The following KHDRBS2 variants were observed in gnomAD, a reference collection of about 807,000 sequenced individuals.
KHDRBS2 encodes KH RNA binding domain containing, signal transduction associated 2.
A neutral mutation model predicts 44.3 loss-of-function variants in KHDRBS2; 26 were observed. The observed-to-expected ratio is 0.59, with a 90% CI of 0.43 to 0.81. The LOEUF (loss-of-function observed/expected upper bound fraction) is 0.81. Among genes scored for constraint, KHDRBS2 ranks in the 40% least tolerant of loss-of-function variants. The pLI is 0.00. For missense variants in KHDRBS2, 476 were observed against 433.1 expected (o/e 1.10, Z -0.88); for synonymous variants, 194 against 151.1 (o/e 1.28, Z -2.08).
At chr6:62,205,299 T>G (rs142398981) in intron 1 of KHDRBS2, among the ~76,000 whole-genome samples, 1 of 152,160 alleles carries the variant, frequency 6.6e-6, no homozygotes, top group Non-Finnish European at 1.5e-5. Flanking sequence ...CAGGCTAACT[T>G]GTTAGTACAC....
In KHDRBS2 at chr6:62,154,021, GTTTC is replaced by G. The variant is rs1815822837; in HGVS notation, c.219+23160_219+23163del. Among the ~76,000 whole-genome samples, 6 of 152,234 alleles carry G rather than the reference GTTTC, an allele frequency of 3.9e-5. 1 individual carries two copies. The South Asian group carries it at 1.2e-3, about 32-fold the overall frequency. On this transcript the variant is annotated intron_variant, in intron 2 of 8. Coordinates refer to ENST00000281156, the MANE Select transcript of KHDRBS2 (RefSeq NM_152688.4). ...GTTTCTTTGTTTCACTAGTAGAAGC[GTTTC>G]TTTCTTTTATTATTGAGTTAATCAT...
At chr6:62,131,112 T>C (rs575901015) in intron 2 of KHDRBS2, among the ~76,000 whole-genome samples, 1 of 152,258 alleles carries the variant, frequency 6.6e-6, no homozygotes, top group East Asian at 1.9e-4. Context: ...GTAATCAGAA[T>C]TTATGAGGAT....
At chr6:62,223,338 G>A (rs1458743289) in intron 1 of KHDRBS2, among the ~76,000 whole-genome samples, 2 of 152,148 alleles carry the variant, frequency 1.3e-5, no homozygotes, top group Non-Finnish European at 2.9e-5. Flanking sequence ...TAGGAAGCAG[G>A]GCACTAAGTA....
chr6:61,573,401 A>G, the KHDRBS2 span, among the ~76,000 whole-genome samples: 333 of 152,300 alleles, frequency 2.2e-3, 1 homozygote, highest in Non-Finnish European at 3.3e-3. Flanking sequence ...GCCAAAAGCA[A>G]TACACAGATT....
intron 1 of KHDRBS2, among the ~76,000 whole-genome samples, chr6:62,197,412 A>G (rs534462609): frequency 3.7e-4 from 56 of 152,172 alleles, no homozygotes; most frequent in Non-Finnish European, 6.8e-4. Context: ...TATATACAAT[A>G]CATCACCAAT....
At chr6:62,275,042 C>T (rs13195877) in intron 1 of KHDRBS2, among the ~76,000 whole-genome samples, 2 of 148,864 alleles carry the variant, frequency 1.3e-5, no homozygotes, top group Non-Finnish European at 3.0e-5. Flanking sequence ...CACACACACA[C>T]ATATATATTC....
chr6:61,596,922 T>A, the KHDRBS2 span, among the ~76,000 whole-genome samples: 1 of 152,114 alleles, frequency 6.6e-6, no homozygotes, highest in East Asian at 1.9e-4. Context: ...AGTGCTGGAA[T>A]TACAGGTGTG....
At chr6:62,248,562 T>C (rs1002403856) in intron 1 of KHDRBS2, among the ~76,000 whole-genome samples, 11 of 151,986 alleles carry the variant, frequency 7.2e-5, no homozygotes, top group African/African-American at 2.4e-4. Context: ...TTTCACCACG[T>C]TGGCCAGGCT....
chr6:61,687,874 G>T (rs1766992929), intron 8 of KHDRBS2, among the ~76,000 whole-genome samples: 2 of 151,758 alleles, frequency 1.3e-5, no homozygotes. Context: ...ATTTTTATCA[G>T]CTTCTGTTTT....
the KHDRBS2 span, among the ~76,000 whole-genome samples, chr6:61,639,159 T>G: frequency 6.6e-6 from 1 of 152,136 alleles, no homozygotes; most frequent in African/African-American, 2.4e-5. Context: ...ATTAAATATC[T>G]ATGTTTACAT....
chr6:62,065,896 C>T (rs1214749533), intron 2 of KHDRBS2, among the ~76,000 whole-genome samples: 2 of 151,750 alleles, frequency 1.3e-5, no homozygotes, highest in African/African-American at 4.8e-5. Flanking sequence ...AATTCATGTA[C>T]CATTCATTCT....
intron 3 of KHDRBS2, among the ~76,000 whole-genome samples, chr6:61,991,484 A>C: frequency 6.6e-6 from 1 of 152,186 alleles, no homozygotes. Flanking sequence ...TGGGTTGAAA[A>C]GAAACCTACG....
the KHDRBS2 span, among the ~76,000 whole-genome samples, chr6:61,556,071 C>G: frequency 6.6e-6 from 1 of 152,172 alleles, no homozygotes; most frequent in Non-Finnish European, 1.5e-5. Context: ...CTAGGGCTGC[C>G]TGCATCCATG....
At position 62,262,957 on chromosome 6, in the gene KHDRBS2, G is replaced by A. The variant is rs568297839; in HGVS notation, c.91+22901C>T. 3.7e-4 allele frequency among the ~76,000 whole-genome samples: 56 copies of A among 151,768 alleles called. No individual in the cohort carries two copies. The Middle Eastern group carries it at 0.014, about 37-fold the overall frequency. The stretch of plus-strand genomic sequence containing the variant: ...TGATACCTTGGTCAGCTTTACCTGT[G>A]TCATACTGACATTCAATCATGCCTT... On this transcript the variant is annotated intron_variant, in intron 1 of 8. Coordinates refer to ENST00000281156, the MANE Select transcript of KHDRBS2 (RefSeq NM_152688.4).
At chr6:61,894,040 A>G (rs1029627802) in intron 6 of KHDRBS2, among the ~76,000 whole-genome samples, 1 of 152,198 alleles carries the variant, frequency 6.6e-6, no homozygotes, top group Non-Finnish European at 1.5e-5. Flanking sequence ...AATCAGAACT[A>G]AAGGTTAAAA....
At chr6:62,050,132 T>A (rs1381268850) in intron 2 of KHDRBS2, among the ~76,000 whole-genome samples, 1 of 152,094 alleles carries the variant, frequency 6.6e-6, no homozygotes, top group Non-Finnish European at 1.5e-5. Context: ...GATGAGTTCA[T>A]GCCCTTTTCA....
At chr6:61,775,262 A>G (rs981270480) in intron 6 of KHDRBS2, among the ~76,000 whole-genome samples, 17 of 152,108 alleles carry the variant, frequency 1.1e-4, no homozygotes, top group Non-Finnish European at 2.1e-4. Context: ...CACCACTCGT[A>G]CTAAACATAG....
chr6:61,811,902 A>C (rs1788185033), intron 6 of KHDRBS2, among the ~76,000 whole-genome samples: 2 of 152,088 alleles, frequency 1.3e-5, no homozygotes, highest in Non-Finnish European at 2.9e-5. Flanking sequence ...TTCCAGTTCC[A>C]GTGTGATTTA....
At chr6:61,816,538 C>A in intron 6 of KHDRBS2, 1 of 394,328 alleles carries the variant, frequency 2.5e-6, no homozygotes, top group South Asian at 1.8e-5. Context: ...AAAAGGAGCA[C>A]GACCCTGCTG....
Sources: gnomAD v4.1 joint callset for allele counts (sites outside exome capture counted in the v4.1 genomes callset) on GRCh38, gnomAD v4.1.1 for gene constraint, MANE v1.5 for transcripts, NCBI Gene and HGNC (gene_info 2026-07-23, HGNC 2026-07-21) for gene names.